Variants in CREB5 observed in about 807,000 individuals in gnomAD.
CREB5 encodes cAMP responsive element binding protein 5.
CREB5 carries 19 observed loss-of-function variants against 57.1 expected under a neutral mutation model. The observed-to-expected ratio is 0.33, with a 90% CI of 0.23 to 0.49. CREB5 has a LOEUF of 0.49. CREB5 is among the 20% of genes least tolerant of loss of function. CREB5 has a pLI of 0.99. For missense variants in CREB5, 579 were observed against 671.6 expected, an observed-to-expected ratio of 0.86 and a Z score of 1.52; for synonymous variants, 238 against 238.3, an observed-to-expected ratio of 1.00 and a Z score of 0.01.
intron 1 of CREB5, among the ~76,000 whole-genome samples, chr7:28,360,297 T>C (rs1052832466): frequency 2.0e-5 from 3 of 152,206 alleles, no homozygotes; most frequent in African/African-American, 7.2e-5. Context: ...ATTCACAATA[T>C]CCAAGTTATA....
At chr7:28,422,501 C>T (rs1788311592) in intron 1 of CREB5, among the ~76,000 whole-genome samples, 1 of 152,008 alleles carries the variant, frequency 6.6e-6, no homozygotes, top group South Asian at 2.1e-4. Context: ...AGCTATGAGC[C>T]AGTTTTCATA....
At chr7:28,303,142 CAA>C (rs36054051) in intron 1 of CREB5, among the ~76,000 whole-genome samples, 11 of 129,870 alleles carry the variant, frequency 8.5e-5, no homozygotes, top group Admixed American at 3.1e-4. Context: ...AACTCCATCT[CAA>C]AAAAAAAAAA....
chr7:28,823,634 T>C lies in CREB5; in HGVS notation c.*4355T>C, dbSNP rs1018800565. 1 of 152,322 alleles carries C rather than the reference T, an allele frequency of 6.6e-6. No individual in the cohort carries two copies. The highest frequency in any genetic ancestry group is 2.4e-5 in the African/African-American group (1 of 41,452). The allele number at this position is 152,322 out of a possible 1,614,324, so 9.4% of individuals were successfully genotyped here. A position where few individuals can be genotyped will look rare whatever the true frequency, so the allele number is the denominator to read the frequency against. On this transcript the variant is annotated 3_prime_UTR_variant, in exon 11 of 11. Coordinates refer to ENST00000357727, the MANE Select transcript of CREB5 (RefSeq NM_182898.4). ...CATTTTTAAAGTAAGCTCTTTCATT[T>C]AGGAAGCAGAGTTCAGCTAAAGGGA...
At chr7:28,657,499 G>A (rs2128710325) in intron 5 of CREB5, among the ~76,000 whole-genome samples, 1 of 152,170 alleles carries the variant, frequency 6.6e-6, no homozygotes, top group South Asian at 2.1e-4. Flanking sequence ...GGGAGGCCGA[G>A]GCAGGTGGAT....
intron 4 of CREB5, among the ~76,000 whole-genome samples, chr7:28,567,647 C>A (rs1795534719): frequency 6.6e-6 from 1 of 152,256 alleles, no homozygotes; most frequent in Non-Finnish European, 1.5e-5. Context: ...TGAGTGTGGG[C>A]AGGAAAGGTT....
At chr7:28,348,168 A>C (rs1249150666) in intron 1 of CREB5, among the ~76,000 whole-genome samples, 2 of 152,284 alleles carry the variant, frequency 1.3e-5, no homozygotes, top group Middle Eastern at 3.4e-3. Flanking sequence ...CCGGTTATCC[A>C]TGTGGCTTCT....
intron 1 of CREB5, among the ~76,000 whole-genome samples, chr7:28,304,408 G>C (rs1324087495): frequency 1.3e-5 from 2 of 152,194 alleles, no homozygotes; most frequent in Non-Finnish European, 2.9e-5. Flanking sequence ...ATTTATAGTA[G>C]ATATTTCATT....
At chr7:28,561,607 T>C (rs1795273929) in intron 4 of CREB5, among the ~76,000 whole-genome samples, 1 of 152,252 alleles carries the variant, frequency 6.6e-6, no homozygotes, top group Non-Finnish European at 1.5e-5. Context: ...ATAAGCTTGC[T>C]GAAGATCAGA....
At chr7:28,375,272 C>T (rs947564252) in intron 1 of CREB5, among the ~76,000 whole-genome samples, 3 of 152,106 alleles carry the variant, frequency 2.0e-5, no homozygotes, top group African/African-American at 4.8e-5. Context: ...GAAAGACAAA[C>T]ATTGCACGTT....
At chr7:28,735,598 T>C (rs976887763) in intron 7 of CREB5, among the ~76,000 whole-genome samples, 1 of 152,228 alleles carries the variant, frequency 6.6e-6, no homozygotes, top group African/African-American at 2.4e-5. Context: ...TGGAGTATTC[T>C]TTTAAAGTTG....
chr7:28,400,155 G>A (rs1027463903), intron 1 of CREB5, among the ~76,000 whole-genome samples: 2 of 152,174 alleles, frequency 1.3e-5, no homozygotes, highest in Non-Finnish European at 2.9e-5. Context: ...GAGACAAAGT[G>A]TCTTGAAATA....
chr7:28,682,811 TG>T, intron 5 of CREB5, among the ~76,000 whole-genome samples: 1 of 152,318 alleles, frequency 6.6e-6, no homozygotes, highest in South Asian at 2.1e-4. Context: ...TCTAGTTGGC[TG>T]TTGAGCCCCT....
chr7:28,342,876 G>T (rs149479201), intron 1 of CREB5, among the ~76,000 whole-genome samples: 282 of 152,224 alleles, frequency 1.9e-3, no homozygotes, highest in African/African-American at 6.5e-3. Flanking sequence ...TGTCTTATAA[G>T]TCTATCATTT....
chr7:28,462,225 C>T (rs1219586539), intron 1 of CREB5, among the ~76,000 whole-genome samples: 1 of 152,162 alleles, frequency 6.6e-6, no homozygotes, highest in Non-Finnish European at 1.5e-5. Flanking sequence ...AAGGTTCACC[C>T]ATGTTGTAGC....
intron 5 of CREB5, among the ~76,000 whole-genome samples, chr7:28,701,328 T>C (rs1404006997): frequency 6.6e-6 from 1 of 152,186 alleles, no homozygotes; most frequent in East Asian, 1.9e-4. Flanking sequence ...AAAATCCCTC[T>C]TATTTTGGAT....
intron 1 of CREB5, among the ~76,000 whole-genome samples, chr7:28,310,984 T>C (rs1785264646): frequency 6.6e-6 from 1 of 152,106 alleles, no homozygotes; most frequent in Non-Finnish European, 1.5e-5. Flanking sequence ...TATGTCTCTT[T>C]AATCTCTTTT....
intron 7 of CREB5, among the ~76,000 whole-genome samples, chr7:28,772,906 G>A (rs750662384): frequency 1.3e-4 from 20 of 152,120 alleles, no homozygotes; most frequent in Admixed American, 6.5e-4. Context: ...CTACCACTTT[G>A]CTACTTGGTG....
intron 1 of CREB5, among the ~76,000 whole-genome samples, chr7:28,365,130 A>G (rs1201950506): frequency 3.3e-5 from 5 of 152,182 alleles, no homozygotes; most frequent in African/African-American, 1.2e-4. Flanking sequence ...TCTCCTCTAG[A>G]ATAACAGTCT....
intron 1 of CREB5, among the ~76,000 whole-genome samples, chr7:28,348,551 A>G (rs773886814): frequency 1.7e-4 from 26 of 152,152 alleles, no homozygotes; most frequent in African/African-American, 6.3e-4. Flanking sequence ...ATTATTAGCT[A>G]TTACTAAATA....
Sources: gnomAD v4.1 joint callset for allele counts (sites outside exome capture counted in the v4.1 genomes callset) on GRCh38, gnomAD v4.1.1 for gene constraint, MANE v1.5 for transcripts, NCBI Gene and HGNC (gene_info 2026-07-23, HGNC 2026-07-21) for gene names.